OGDH: variants seen among roughly 807,000 people sequenced by gnomAD.
The protein encoded by OGDH is 2-oxoglutarate dehydrogenase complex component E1.
A neutral mutation model predicts 116.6 loss-of-function variants in OGDH; 38 were observed. The ratio of observed to expected loss-of-function variants is 0.33; its 90% CI spans 0.25 to 0.43. The LOEUF is 0.43. Ranked by LOEUF, OGDH falls within the 20% of genes least tolerant of loss-of-function variation. OGDH has a pLI of 1.00. For synonymous variants in OGDH, 488 were observed against 533.3 expected (o/e 0.92, Z 1.17); for missense variants, 825 against 1,357.2 (o/e 0.61, Z 6.16).
At chr7:44,681,896 A>C in intron 10 of OGDH, 48 bp downstream of exon 10, 1 of 1,600,844 alleles carries the variant, frequency 6.2e-7, no homozygotes, top group Non-Finnish European at 8.5e-7. Context: ...AGTCTTACTT[A>C]GAATGACATC....
chr7:44,641,639 T>C (rs1171121439), intron 2 of OGDH, among the ~76,000 whole-genome samples: 1 of 152,188 alleles, frequency 6.6e-6, no homozygotes, highest in Non-Finnish European at 1.5e-5. Context: ...GGGTTTCTCC[T>C]TTTAGGTCAG....
In OGDH at chr7:44,694,379, A is replaced by G; in HGVS notation, c.1516-45A>G. 6.2e-7 allele frequency: 1 copy of G among 1,605,834 alleles called. No individual in the cohort carries two copies. The highest frequency in any genetic ancestry group is 8.5e-7 in the Non-Finnish European group (1 of 1,175,640). ...GGTGCCTGAACAGCACTTCTTCCCA[A>G]GGGGCCAGCCCTTGTCTCTGACATC... On this transcript the variant is annotated intron_variant, in intron 11 of 22. Coordinates refer to ENST00000222673, the MANE Select transcript of OGDH (RefSeq NM_002541.4). This position sits in a 1 kb window ranked among gnomAD's most constrained non-coding sequence, Gnocchi z 4.2.
At position 44,616,827 on chromosome 7, in the gene OGDH, G is replaced by GTA. The variant is rs1371596823; in HGVS notation, c.-27-7483_-27-7482dup. ...TATATGCATATATACGTATATATGT[G>GTA]TATATATACACATATACGTGTATAT... On this transcript the variant is annotated intron_variant, in intron 1 of 22. Transcript: ENST00000222673. Among the ~76,000 whole-genome samples the GTA allele has an allele frequency of 5.0e-3, 626 of 124,800 alleles. 6 individuals carry two copies. The highest frequency in any genetic ancestry group is 0.03 in the East Asian group (94 of 3,124). 81.9% of individuals were successfully genotyped at this position (124,800 alleles called of 152,430 possible). A position where few individuals can be genotyped will look rare whatever the true frequency, so the allele number is the denominator to read the frequency against.
At chr7:44,700,011 G>C (rs972079753) in intron 18 of OGDH, 130 bp from the exon 19 acceptor site, 7 of 1,008,058 alleles carry the variant, frequency 6.9e-6, no homozygotes, top group African/African-American at 1.6e-5. Context: ...CTCCAGCAGT[G>C]GGAGATTACA....
chr7:44,612,066 T>C (rs1184688141), intron 1 of OGDH, among the ~76,000 whole-genome samples: 1 of 152,230 alleles, frequency 6.6e-6, no homozygotes, highest in Non-Finnish European at 1.5e-5. Flanking sequence ...AGTTAATTTC[T>C]GTATGTGGTT....
intron 4 of OGDH, among the ~76,000 whole-genome samples, chr7:44,661,203 T>C (rs1786923588): frequency 6.6e-6 from 1 of 152,218 alleles, no homozygotes; most frequent in Admixed American, 6.5e-5. Context: ...TGATGGAATG[T>C]CCCTCTTTGT....
chr7:44,653,616 T>TCC (rs1786550525), intron 4 of OGDH, among the ~76,000 whole-genome samples: 1 of 152,004 alleles, frequency 6.6e-6, no homozygotes, highest in Non-Finnish European at 1.5e-5. Flanking sequence ...AACCTCTCCT[T>TCC]CCAGATTCAA....
intron 4 of OGDH, among the ~76,000 whole-genome samples, chr7:44,649,747 C>G (rs1786350725): frequency 6.6e-6 from 1 of 152,086 alleles, no homozygotes; most frequent in Non-Finnish European, 1.5e-5. Context: ...GGTGAGAAAC[C>G]CTAAGCACTG....
In OGDH at chr7:44,708,107, C is replaced by G; in HGVS notation, c.*108C>G. ...GCGCTGCCCACACCACCGCCCTCCT[C>G]GCTGTGCCACCACCCCTCCCTCTGC... On this transcript the variant is annotated 3_prime_UTR_variant, in exon 23 of 23. Transcript: ENST00000222673. 13 of 1,414,890 alleles carry G rather than the reference C, an allele frequency of 9.2e-6. No homozygotes were observed. The highest frequency in any genetic ancestry group is 1.2e-5 in the Non-Finnish European group (13 of 1,048,250). The allele number at this position is 1,414,890 out of a possible 1,614,324, so 87.6% of individuals were successfully genotyped here. A position where few individuals can be genotyped will look rare whatever the true frequency, so the allele number is the denominator to read the frequency against.
chr7:44,702,833 T>C (rs956341120), intron 20 of OGDH, among the ~76,000 whole-genome samples: 1 of 152,126 alleles, frequency 6.6e-6, no homozygotes, highest in African/African-American at 2.4e-5. Context: ...CCTGACCTCA[T>C]GATCCACCCA....
intron 5 of OGDH, 61 bp downstream of exon 5, chr7:44,666,912 C>T (rs1787209612): frequency 1.0e-6 from 1 of 966,088 alleles, no homozygotes; most frequent in Non-Finnish European, 1.6e-6. Flanking sequence ...GGCAGGATGG[C>T]TTTGAGACTA....
chr7:44,647,393 C>T, intron 3 of OGDH: 1 of 1,289,598 alleles, frequency 7.8e-7, no homozygotes, highest in South Asian at 1.3e-5. Context: ...TTTAACCCTC[C>T]CCACAGCTCA....
chr7:44,663,575 C>T (rs973220111), intron 4 of OGDH, among the ~76,000 whole-genome samples: 2 of 152,228 alleles, frequency 1.3e-5, no homozygotes, highest in African/African-American at 4.8e-5. Flanking sequence ...TCTAGACCAG[C>T]TTGGCCAACA....
At position 44,694,173 on chromosome 7, in the gene OGDH, G is replaced by C. The variant is rs1297788275; in HGVS notation, c.1515+169G>C. On this transcript the variant is annotated intron_variant, in intron 11 of 22. Transcript: ENST00000222673. This position sits in a 1 kb window ranked among gnomAD's most constrained non-coding sequence, Gnocchi z 4.2. ...TTTGAGCTCCAAATAGTTCAGGCCT[G>C]TAAGCACCAAGGAATGCTTCCCAGG... is the stretch of plus-strand genomic sequence containing the variant. Among the ~76,000 whole-genome samples the C allele has an allele frequency of 1.3e-5, 2 of 152,146 alleles. No individual in the cohort carries two copies. Among genetic ancestry groups the C allele is most frequent in the Admixed American group, 1.3e-4 (2 of 15,266 alleles).
At position 44,697,211 on chromosome 7, in the gene OGDH, G is replaced by A; in HGVS notation, c.2051+147G>A. The A allele has an allele frequency of 3.5e-6, 5 of 1,444,432 alleles. No individual in the cohort carries two copies. Among genetic ancestry groups the A allele is most frequent in the Non-Finnish European group, 4.7e-6 (5 of 1,060,916 alleles). The allele number at this position is 1,444,432 out of a possible 1,614,324, so 89.5% of individuals were successfully genotyped here. ...AAACCTCTGTCCCTCATTTGCTATG[G>A]GTGCTTCTGTTAAGACCTGGGTGGG... On this transcript the variant is annotated intron_variant, in intron 15 of 22. Transcript: ENST00000222673. The surrounding 1 kb of genome is among the most constrained non-coding windows in gnomAD (Gnocchi z 6.0).
chr7:44,703,980 T>C (rs1788955590), intron 20 of OGDH, among the ~76,000 whole-genome samples: 2 of 152,230 alleles, frequency 1.3e-5, no homozygotes, highest in Admixed American at 6.5e-5. Context: ...GTTGCTTCCA[T>C]GTTTCAGCTA....
At chr7:44,627,109 G>A (rs1785237250) in intron 2 of OGDH, among the ~76,000 whole-genome samples, 1 of 152,176 alleles carries the variant, frequency 6.6e-6, no homozygotes, top group African/African-American at 2.4e-5. Context: ...CGATTCTCCT[G>A]CCTCAGCCTC....
chr7:44,626,333 CCCTACACACACACACACACA>C (rs1562619927), intron 2 of OGDH, among the ~76,000 whole-genome samples: 1 of 108,006 alleles, frequency 9.3e-6, no homozygotes, highest in Non-Finnish European at 2.0e-5. Flanking sequence ...ACACACACAC[CCCTACACACACACACACACA>C]CACACACCCC....
chr7:44,645,634 A>G, intron 3 of OGDH, 116 bp downstream of exon 3: 1 of 933,004 alleles, frequency 1.1e-6, no homozygotes, highest in Non-Finnish European at 1.6e-6. Flanking sequence ...TACCTCCTCA[A>G]ATACTAGGTG....
Sources: gnomAD v4.1 joint callset for allele counts (sites outside exome capture counted in the v4.1 genomes callset) on GRCh38, gnomAD v4.1.1 for gene constraint, Gnocchi (gnomAD v3.1) non-coding constraint, MANE v1.5 for transcripts, NCBI Gene and HGNC (gene_info 2026-07-23, HGNC 2026-07-21) for gene names.